Variants in SLC13A1 observed in about 807,000 individuals in gnomAD.
The protein encoded by SLC13A1 is Na(+)/sulfate cotransporter.
In SLC13A1, 65 loss-of-function variants were observed where a neutral mutation model predicts 70.0. The observed-to-expected ratio is 0.93, with a 90% CI of 0.76 to 1.14. The LOEUF (loss-of-function observed/expected upper bound fraction) is 1.14. Ranked by LOEUF, SLC13A1 falls within the 50% of genes most tolerant of loss-of-function variation. The pLI is 0.00. For synonymous variants in SLC13A1, 275 were observed against 250.5 expected (o/e 1.10, Z -0.92); for missense variants, 726 against 717.8 (o/e 1.01, Z -0.13).
In SLC13A1 at chr7:123,147,190, T is replaced by C. The variant is rs1000703236; in HGVS notation, c.781A>G (p.Thr261Ala). The change falls in exon 7 of 15, where the codon ACC becomes GCC. Residue 261 changes from threonine to alanine, a missense_variant. Physicochemically the swap from Thr to Ala is moderately conservative, Grantham distance 58 (BLOSUM62 0). Coordinates refer to ENST00000194130, the MANE Select transcript of SLC13A1 (RefSeq NM_022444.4). Reference sequence around the variant, plus strand: ...AAATACTCTGCAAAGATCAAGTTGGTGGAGGTACCAGTGATTGTTGTCAGT... The same window carrying C: ...AAATACTCTGCAAAGATCAAGTTGGCGGAGGTACCAGTGATTGTTGTCAGT... Reference protein sequence around the residue: ...GGLTTITGTSTNLIFAEYFNT... With the variant: ...GGLTTITGTSANLIFAEYFNT... The C allele has an allele frequency of 1.9e-6, 3 of 1,613,690 alleles. No individual in the cohort carries two copies. Among genetic ancestry groups the C allele is most frequent in the Non-Finnish European group, 2.5e-6 (3 of 1,179,772 alleles).
intron 2 of SLC13A1, among the ~76,000 whole-genome samples, chr7:123,178,263 T>A (rs1355467799): frequency 6.6e-6 from 1 of 152,020 alleles, no homozygotes; most frequent in Admixed American, 6.6e-5. Flanking sequence ...GTATTTAGGA[T>A]TGGCTTAATA....
chr7:123,126,256 C>T (rs1333182936), intron 10 of SLC13A1, among the ~76,000 whole-genome samples: 4 of 152,136 alleles, frequency 2.6e-5, no homozygotes, highest in Non-Finnish European at 5.9e-5. Context: ...TAATTTTTTG[C>T]ACCCCATGAA....
At chr7:123,146,473 C>T (rs1294523888) in intron 7 of SLC13A1, among the ~76,000 whole-genome samples, 2 of 152,160 alleles carry the variant, frequency 1.3e-5, no homozygotes, top group Non-Finnish European at 2.9e-5. Context: ...TGAGATCGCA[C>T]CACTGTCCTC....
At chr7:123,140,445 C>T (rs1794096326) in intron 7 of SLC13A1, among the ~76,000 whole-genome samples, 1 of 151,882 alleles carries the variant, frequency 6.6e-6, no homozygotes, top group African/African-American at 2.4e-5. Context: ...ATACTGGACT[C>T]ATAGCGTTTG....
intron 7 of SLC13A1, among the ~76,000 whole-genome samples, chr7:123,145,623 T>C (rs1794324934): frequency 6.6e-6 from 1 of 152,214 alleles, no homozygotes; most frequent in South Asian, 2.1e-4. Flanking sequence ...ATACATTGGA[T>C]AAATCCTCAC....
intron 2 of SLC13A1, among the ~76,000 whole-genome samples, chr7:123,174,539 A>C (rs10250932): frequency 0.05 from 7,620 of 152,046 alleles, 620 homozygotes; most frequent in African/African-American, 0.17. Flanking sequence ...ACACATGACT[A>C]CCTTGATTAA....
At chr7:123,170,314 G>A (rs545232406) in intron 3 of SLC13A1, among the ~76,000 whole-genome samples, 42 of 152,226 alleles carry the variant, frequency 2.8e-4, no homozygotes, top group African/African-American at 8.7e-4. Flanking sequence ...ATCTGCTTAC[G>A]CAATAAATGG....
rs1793116287 is a variant in SLC13A1 at position 123,114,483 on chromosome 7, A to C, written c.*1035T>G. On this transcript the variant is annotated 3_prime_UTR_variant, in exon 15 of 15. Coordinates refer to ENST00000194130, the MANE Select transcript of SLC13A1 (RefSeq NM_022444.4). ...TAAATCATTTATTTTTCTGTTTTGTAATACGTCAGCAGTTTTCATTCTTAT... is the reference window on the plus strand; with the variant it reads ...TAAATCATTTATTTTTCTGTTTTGTCATACGTCAGCAGTTTTCATTCTTAT... The C allele has an allele frequency of 6.6e-6, 1 of 151,752 alleles. No individual in the cohort carries two copies. The highest frequency in any genetic ancestry group is 2.1e-4 in the South Asian group (1 of 4,816). The allele number at this position is 151,752 out of a possible 1,614,324, so 9.4% of individuals were successfully genotyped here.
intron 2 of SLC13A1, among the ~76,000 whole-genome samples, chr7:123,177,286 A>T (rs532548496): frequency 7.9e-5 from 12 of 152,238 alleles, no homozygotes; most frequent in Admixed American, 7.9e-4. Flanking sequence ...TTCAAATTTT[A>T]TCAGCAATAC....
intron 1 of SLC13A1, among the ~76,000 whole-genome samples, chr7:123,199,171 C>CA (rs1368649607): frequency 2.6e-5 from 4 of 152,064 alleles, no homozygotes; most frequent in African/African-American, 9.7e-5. Flanking sequence ...ATCATTTTAC[C>CA]AAGAAATTAA....
intron 1 of SLC13A1, among the ~76,000 whole-genome samples, chr7:123,196,760 C>T (rs934313578): frequency 3.3e-5 from 5 of 152,184 alleles, no homozygotes; most frequent in Middle Eastern, 6.8e-3. Context: ...TTTGGCCTGT[C>T]TAAAGCATTT....
chr7:123,120,809 T>C (rs537534461), intron 12 of SLC13A1, among the ~76,000 whole-genome samples: 2 of 152,222 alleles, frequency 1.3e-5, no homozygotes, highest in East Asian at 1.9e-4. Context: ...AGAATAGGTA[T>C]ACTTTAAGAA....
intron 2 of SLC13A1, among the ~76,000 whole-genome samples, chr7:123,179,143 T>C (rs1795553751): frequency 6.6e-6 from 1 of 151,880 alleles, no homozygotes; most frequent in Non-Finnish European, 1.5e-5. Context: ...AAGGAGGAAA[T>C]GATATTAATT....
chr7:123,173,961 C>T lies in SLC13A1; in HGVS notation c.229-2057G>A, dbSNP rs367816286. ...ATTAATTTGCCAGTGCTTCCAGAGT[C>T]GGGAAGCTGTTTTTTTTTTTTTTTT... On this transcript the variant is annotated intron_variant, in intron 2 of 14. Coordinates refer to ENST00000194130, the MANE Select transcript of SLC13A1 (RefSeq NM_022444.4). Among the ~76,000 whole-genome samples the T allele has an allele frequency of 5.0e-3, 693 of 139,344 alleles. 4 individuals are homozygous for T. The highest frequency in any genetic ancestry group is 0.017 in the African/African-American group (653 of 39,460). 91.4% of individuals were successfully genotyped at this position (139,344 alleles called of 152,430 possible).
In SLC13A1 at chr7:123,119,135, C is replaced by T; in HGVS notation, c.1458G>A (p.Glu486=). ...ISSLMVTSLT[E]VASNPATITL... ...TAATGGTAGCTGGATTGCTGGCTAC[C>T]TCAGTTAAAGATGTCACCATCAAAG... Residue 486 remains glutamate (E), a synonymous_variant, in exon 13 of 15, where the codon GAG becomes GAA. Transcript: ENST00000194130. 1 of 1,612,576 alleles carries T rather than the reference C, an allele frequency of 6.2e-7. No homozygotes were observed. Among genetic ancestry groups the T allele is most frequent in the African/African-American group, 1.3e-5 (1 of 74,918 alleles).
At chr7:123,170,869 G>T (rs115817007) in intron 3 of SLC13A1, among the ~76,000 whole-genome samples, 1 of 151,928 alleles carries the variant, frequency 6.6e-6, no homozygotes, top group African/African-American at 2.4e-5. Flanking sequence ...ATGAGCCACC[G>T]TGCCCGGCCG....
chr7:123,138,723 G>A (rs1210627193), intron 7 of SLC13A1, among the ~76,000 whole-genome samples: 3 of 151,934 alleles, frequency 2.0e-5, no homozygotes, highest in Non-Finnish European at 4.4e-5. Context: ...GTCTTATTTT[G>A]AGAAATATCC....
At chr7:123,128,521 C>A (rs1409513272) in intron 10 of SLC13A1, among the ~76,000 whole-genome samples, 1 of 152,088 alleles carries the variant, frequency 6.6e-6, no homozygotes, top group Non-Finnish European at 1.5e-5. Context: ...TCCCAACCAC[C>A]ACAGAACATA....
chr7:123,150,553 C>G (rs1794520059), intron 6 of SLC13A1, among the ~76,000 whole-genome samples: 1 of 152,120 alleles, frequency 6.6e-6, no homozygotes, highest in Non-Finnish European at 1.5e-5. Flanking sequence ...AGCCAAACTA[C>G]TCGAAAGAGT....
Sources: gnomAD v4.1 joint callset for allele counts (sites outside exome capture counted in the v4.1 genomes callset) on GRCh38, gnomAD v4.1.1 for gene constraint, MANE v1.5 for transcripts, NCBI Gene and HGNC (gene_info 2026-07-23, HGNC 2026-07-21) for gene names.